Variants in B4GALT5 observed in about 807,000 individuals in gnomAD.
B4GALT5 encodes UDP-Gal:beta-GlcNAc beta-1,4-galactosyltransferase 5.
A neutral mutation model predicts 45.0 loss-of-function variants in B4GALT5; 11 were observed. That is an observed-to-expected ratio of 0.24 (90% CI 0.15 to 0.40). The LOEUF (loss-of-function observed/expected upper bound fraction) is 0.40. B4GALT5 is among the 10% of genes least tolerant of loss of function. The probability of loss-of-function intolerance (pLI) is 1.00; values close to 1 mark genes in which losing one functional copy is unlikely to be tolerated. For synonymous variants in B4GALT5, 185 were observed against 182.9 expected (o/e 1.01, Z -0.09); for missense variants, 337 against 500.2 (o/e 0.67, Z 3.11).
intron 1 of B4GALT5, among the ~76,000 whole-genome samples, chr20:49,680,765 T>C (rs1292157765): frequency 6.6e-6 from 1 of 152,140 alleles, no homozygotes; most frequent in Non-Finnish European, 1.5e-5. Context: ...CTAAATTGTA[T>C]ACTTCAAATG....
rs552370527 is a variant in B4GALT5, at chr20:49,647,573, G to A, written c.251-495C>T. Among the ~76,000 whole-genome samples, 16 of 152,212 alleles carry A rather than the reference G, an allele frequency of 1.1e-4. No individual in the cohort carries two copies. The East Asian group carries it at 1.5e-3, about 15-fold the overall frequency. On this transcript the variant is annotated intron_variant, in intron 2 of 8. Coordinates refer to ENST00000371711, the MANE Select transcript of B4GALT5 (RefSeq NM_004776.4). ...CCCTTCCATTCCCCAGTCTCCCATC[G>A]GTCACATATCATAGCTGTGGTTAGG...
rs1383829629 is a variant in B4GALT5, at chr20:49,636,455, C to T, written c.1024G>A (p.Ala342Thr). Residue 342 changes from alanine to threonine, a missense_variant, in exon 9 of 9, where the codon GCT becomes ACT. Ala to Thr is a moderately conservative substitution (Grantham distance 58). Coordinates refer to ENST00000371711, the MANE Select transcript of B4GALT5 (RefSeq NM_004776.4). ...CGTTCTTTTGACTTCCTCAGCAGAG[C>T]ATACCTGTTTAGGGAGGGAACAGAG... is the stretch of plus-strand genomic sequence containing the variant. ...RGEVQFLGRYALLRKSKERQG... is the reference protein window; with the variant it reads ...RGEVQFLGRYTLLRKSKERQG... The T allele has an allele frequency of 3.1e-6, 5 of 1,614,106 alleles. No homozygotes were observed. Among genetic ancestry groups the T allele is most frequent in the Non-Finnish European group, 4.2e-6 (5 of 1,179,974 alleles).
At chr20:49,674,760 A>G (rs2085730768) in intron 1 of B4GALT5, among the ~76,000 whole-genome samples, 1 of 152,304 alleles carries the variant, frequency 6.6e-6, no homozygotes, top group Admixed American at 6.5e-5. Flanking sequence ...CTATAATGTC[A>G]TAGGTGAACT....
intron 1 of B4GALT5, among the ~76,000 whole-genome samples, chr20:49,701,339 C>T (rs2085860728): frequency 6.6e-6 from 1 of 151,668 alleles, no homozygotes; most frequent in African/African-American, 2.4e-5. Flanking sequence ...CAGCTGATAT[C>T]AGAAAAAAAA....
chr20:49,670,409 A>C (rs770933250), intron 1 of B4GALT5, among the ~76,000 whole-genome samples: 5 of 152,154 alleles, frequency 3.3e-5, no homozygotes, highest in Admixed American at 6.5e-5. Flanking sequence ...CTGTTTTACC[A>C]ATGTTCTTTA....
chr20:49,666,262 GCAGAGGAACAC>G (rs771614834), intron 1 of B4GALT5, among the ~76,000 whole-genome samples: 64 of 152,206 alleles, frequency 4.2e-4, no homozygotes, highest in Non-Finnish European at 8.2e-4. Context: ...ATGGAGCAAT[GCAGAGGAACAC>G]CACATCTCCA....
At chr20:49,655,328 G>A (rs1011461181) in intron 2 of B4GALT5, among the ~76,000 whole-genome samples, 4 of 151,840 alleles carry the variant, frequency 2.6e-5, no homozygotes, top group Non-Finnish European at 5.9e-5. Flanking sequence ...CTACTCGGGA[G>A]GCTGAGGCAG....
chr20:49,644,858 C>G (rs1298298949), intron 3 of B4GALT5, among the ~76,000 whole-genome samples: 3 of 152,028 alleles, frequency 2.0e-5, no homozygotes, highest in Non-Finnish European at 2.9e-5. Context: ...CCTATTTTCA[C>G]TATATTTGTG....
chr20:49,680,482 T>C (rs1008639700), intron 1 of B4GALT5, among the ~76,000 whole-genome samples: 7 of 152,222 alleles, frequency 4.6e-5, no homozygotes, highest in African/African-American at 1.7e-4. Flanking sequence ...GAAAACATGC[T>C]AAGTGAACTA....
intron 1 of B4GALT5, among the ~76,000 whole-genome samples, chr20:49,678,566 C>A (rs780005186): frequency 6.6e-6 from 1 of 152,150 alleles, no homozygotes; most frequent in Admixed American, 6.5e-5. Context: ...TTGAAAGAAG[C>A]CTACTAATGC....
chr20:49,633,388 C>A lies in B4GALT5; in HGVS notation c.*2924G>T, dbSNP rs556501578. On this transcript the variant is annotated 3_prime_UTR_variant, in exon 9 of 9. Coordinates refer to ENST00000371711, the MANE Select transcript of B4GALT5 (RefSeq NM_004776.4). ...AGATTAAGGGGCCACCCATCAGTAG[C>A]CTTGAAGATTTTCAGCTACCAATAT... The A allele has an allele frequency of 6.8e-6, 1 of 147,890 alleles. No homozygotes were observed. The highest frequency in any genetic ancestry group is 2.1e-4 in the South Asian group (1 of 4,656). 9.2% of individuals were successfully genotyped at this position (147,890 alleles called of 1,614,324 possible).
chr20:49,709,113 T>C (rs1424590136), intron 1 of B4GALT5, among the ~76,000 whole-genome samples: 4 of 152,168 alleles, frequency 2.6e-5, no homozygotes, highest in African/African-American at 9.7e-5. Flanking sequence ...TATGTATATT[T>C]ATAAATAGCT....
intron 5 of B4GALT5, among the ~76,000 whole-genome samples, chr20:49,641,949 T>A (rs1404876356): frequency 1.3e-5 from 2 of 151,836 alleles, no homozygotes; most frequent in Non-Finnish European, 2.9e-5. Context: ...AAAAAAAAGA[T>A]TTACAGACTG....
intron 1 of B4GALT5, among the ~76,000 whole-genome samples, chr20:49,697,081 A>G (rs920216233): frequency 6.6e-6 from 1 of 152,254 alleles, no homozygotes; most frequent in Admixed American, 6.5e-5. Flanking sequence ...CTGTGCCAAA[A>G]TAAGTCTTCA....
At chr20:49,665,042 T>A (rs1205269171) in intron 1 of B4GALT5, among the ~76,000 whole-genome samples, 2 of 152,220 alleles carry the variant, frequency 1.3e-5, no homozygotes, top group African/African-American at 2.4e-5. Flanking sequence ...ACTGTTCTGC[T>A]GGACTTCAAG....
At chr20:49,656,204 T>C (rs1940608495) in intron 2 of B4GALT5, among the ~76,000 whole-genome samples, 1 of 152,098 alleles carries the variant, frequency 6.6e-6, no homozygotes, top group African/African-American at 2.4e-5. Context: ...CCTCTCACCA[T>C]ACACACAGGC....
chr20:49,695,931 A>C (rs2085837969), intron 1 of B4GALT5, among the ~76,000 whole-genome samples: 1 of 152,222 alleles, frequency 6.6e-6, no homozygotes, highest in Non-Finnish European at 1.5e-5. Flanking sequence ...ATTATGTCTA[A>C]TGCTTCCATG....
rs1984427218 is a variant in B4GALT5, at chr20:49,633,438, T to TGTTTG, written c.*2873_*2874insCAAAC. 1 of 29,414 alleles carries TGTTTG rather than the reference T, an allele frequency of 3.4e-5. No individual in the cohort carries two copies. Among genetic ancestry groups the TGTTTG allele is most frequent in the Admixed American group, 2.9e-4 (1 of 3,454 alleles). The allele number at this position is 29,414 out of a possible 1,614,324, so 1.8% of individuals were successfully genotyped here. On this transcript the variant is annotated 3_prime_UTR_variant, in exon 9 of 9. Transcript: ENST00000371711. Reference sequence around the variant, plus strand: ...TATGCACAAGGTCACATTTGGTTCCTGTTTTTTTTTTTAACATGACAATTT... The same window carrying TGTTTG: ...TATGCACAAGGTCACATTTGGTTCCTGTTTGGTTTTTTTTTTTAACATGACAATTT...
intron 1 of B4GALT5, among the ~76,000 whole-genome samples, chr20:49,664,585 C>T (rs1332435867): frequency 6.6e-6 from 1 of 151,954 alleles, no homozygotes; most frequent in African/African-American, 2.4e-5. Flanking sequence ...AATACATGAA[C>T]TTTGACTAAA....
Sources: gnomAD v4.1 joint callset for allele counts (sites outside exome capture counted in the v4.1 genomes callset) on GRCh38, gnomAD v4.1.1 for gene constraint, MANE v1.5 for transcripts, NCBI Gene and HGNC (gene_info 2026-07-23, HGNC 2026-07-21) for gene names.